The following PLPPR1 variants were observed in gnomAD, a reference collection of about 807,000 sequenced individuals.
The protein encoded by PLPPR1 is phospholipid phosphatase-related protein type 1.
PLPPR1 carries 10 observed loss-of-function variants against 33.1 expected under a neutral mutation model. The observed-to-expected ratio is 0.30, with a 90% CI of 0.19 to 0.51. The LOEUF is 0.51. Ranked by LOEUF, PLPPR1 falls within the 20% of genes least tolerant of loss-of-function variation. The pLI, the probability that PLPPR1 is intolerant of heterozygous loss-of-function variation, is 0.97. For missense variants in PLPPR1, 304 were observed against 408.1 expected (o/e 0.74, Z 2.20); for synonymous variants, 151 against 151.0 (o/e 1.00, Z 0.00).
chr9:101,252,577 C>A (rs1363397154), intron 2 of PLPPR1, among the ~76,000 whole-genome samples: 3 of 152,118 alleles, frequency 2.0e-5, no homozygotes, highest in Non-Finnish European at 1.5e-5. Flanking sequence ...ATGAGAACAT[C>A]TGAGTCTCTT....
At chr9:101,108,660 A>G (rs1017683186) in intron 1 of PLPPR1, among the ~76,000 whole-genome samples, 7 of 152,184 alleles carry the variant, frequency 4.6e-5, no homozygotes, top group Admixed American at 4.6e-4. Flanking sequence ...ATAGCATTGT[A>G]ATTCAGTTCC....
intron 2 of PLPPR1, among the ~76,000 whole-genome samples, chr9:101,241,698 G>T (rs562324813): frequency 4.3e-4 from 66 of 152,166 alleles, no homozygotes; most frequent in Non-Finnish European, 7.2e-4. Flanking sequence ...TGAGGTAGAC[G>T]ACCCTGAAGG....
intron 1 of PLPPR1, among the ~76,000 whole-genome samples, chr9:101,114,376 A>C (rs1329822928): frequency 6.6e-6 from 1 of 152,180 alleles, no homozygotes; most frequent in Non-Finnish European, 1.5e-5. Context: ...GACAGATAGC[A>C]CACTTGTATT....
intron 2 of PLPPR1, among the ~76,000 whole-genome samples, chr9:101,219,737 G>T (rs1826887737): frequency 6.6e-6 from 1 of 152,146 alleles, no homozygotes; most frequent in African/African-American, 2.4e-5. Flanking sequence ...TTATCCTCTT[G>T]TTGCTATCCT....
chr9:101,142,867 C>G (rs1831471217), intron 1 of PLPPR1, among the ~76,000 whole-genome samples: 1 of 152,076 alleles, frequency 6.6e-6, no homozygotes, highest in Admixed American at 6.6e-5. Flanking sequence ...GTGATAAGTA[C>G]TATGACAAGT....
In PLPPR1 at chr9:101,262,098, A is replaced by G. The variant is rs370222614; in HGVS notation, c.64-7782A>G. 1.5e-4 allele frequency among the ~76,000 whole-genome samples: 23 copies of G among 152,348 alleles called. No individual in the cohort carries two copies. In the East Asian group the frequency reaches 4.2e-3, roughly 28 times the overall value. Reference sequence around the variant, plus strand: ...TAGAAACTAAACTGAGAAAAACTATACCAAGGAAGGAGTCTTGAAAGATAC... The same window carrying G: ...TAGAAACTAAACTGAGAAAAACTATGCCAAGGAAGGAGTCTTGAAAGATAC... On this transcript the variant is annotated intron_variant, in intron 2 of 7. Coordinates refer to ENST00000374874, the MANE Select transcript of PLPPR1 (RefSeq NM_207299.2).
chr9:101,129,322 A>T (rs1831286734), intron 1 of PLPPR1, among the ~76,000 whole-genome samples: 1 of 152,056 alleles, frequency 6.6e-6, no homozygotes, highest in South Asian at 2.1e-4. Flanking sequence ...AAAAAAAAAA[A>T]TGTTACCCAT....
chr9:101,262,946 T>C (rs969310771), intron 2 of PLPPR1, among the ~76,000 whole-genome samples: 2 of 151,214 alleles, frequency 1.3e-5, no homozygotes, highest in African/African-American at 4.9e-5. Context: ...TAAGTGGGAG[T>C]TGAAAAATGA....
chr9:101,240,774 A>G (rs528415925), intron 2 of PLPPR1, among the ~76,000 whole-genome samples: 1 of 152,204 alleles, frequency 6.6e-6, no homozygotes, highest in African/African-American at 2.4e-5. Context: ...AAATCAGCCA[A>G]TGTCTTACAA....
intron 2 of PLPPR1, among the ~76,000 whole-genome samples, chr9:101,243,515 C>T: frequency 6.6e-6 from 1 of 151,932 alleles, no homozygotes; most frequent in East Asian, 1.9e-4. Flanking sequence ...AAGGAGGACT[C>T]ATGGATGACT....
At chr9:101,320,579 C>T (rs917967327) in intron 7 of PLPPR1, among the ~76,000 whole-genome samples, 5 of 152,124 alleles carry the variant, frequency 3.3e-5, no homozygotes, top group African/African-American at 1.2e-4. Flanking sequence ...CAGAATGAAG[C>T]CACAGAAAGC....
intron 2 of PLPPR1, among the ~76,000 whole-genome samples, chr9:101,200,752 C>T (rs1775831002): frequency 6.6e-6 from 1 of 152,098 alleles, no homozygotes. Flanking sequence ...TGCAACTTTT[C>T]CTTGAGAACA....
intron 1 of PLPPR1, among the ~76,000 whole-genome samples, chr9:101,095,690 G>A (rs1830808178): frequency 6.6e-6 from 1 of 152,122 alleles, no homozygotes; most frequent in Non-Finnish European, 1.5e-5. Flanking sequence ...CAAGGTCACA[G>A]AGTAAGTGGT....
chr9:101,254,985 C>T (rs1170214393), intron 2 of PLPPR1, among the ~76,000 whole-genome samples: 3 of 152,152 alleles, frequency 2.0e-5, no homozygotes, highest in East Asian at 3.9e-4. Flanking sequence ...AACTTAAAAT[C>T]TCTTGGCTGT....
rs146904945 is a variant in PLPPR1, at chr9:101,034,251, G to T, written c.-46+5149G>T. 2.4e-4 allele frequency among the ~76,000 whole-genome samples: 37 copies of T among 152,102 alleles called. No homozygotes were observed. In the East Asian group the frequency reaches 7.0e-3, roughly 29 times the overall value. On this transcript the variant is annotated intron_variant, in intron 1 of 7. Coordinates refer to ENST00000374874, the MANE Select transcript of PLPPR1 (RefSeq NM_207299.2). The stretch of plus-strand genomic sequence containing the variant: ...AGGAGAGGAGAGAGAGAGGAGAAAG[G>T]ATGCCTTTCTCCAAGAGCATGCAAA...
chr9:101,252,508 T>G (rs76452969), intron 2 of PLPPR1, among the ~76,000 whole-genome samples: 152 of 152,252 alleles, frequency 1.0e-3, no homozygotes, highest in African/African-American at 3.5e-3. Context: ...AGTGGCAACC[T>G]ATTGAGTAAT....
At chr9:101,200,747 C>A (rs994968643) in intron 2 of PLPPR1, among the ~76,000 whole-genome samples, 1 of 152,130 alleles carries the variant, frequency 6.6e-6, no homozygotes, top group Non-Finnish European at 1.5e-5. Flanking sequence ...AACCCTGCAA[C>A]TTTTCCTTGA....
chr9:101,171,367 T>A (rs1473057101), intron 1 of PLPPR1, among the ~76,000 whole-genome samples: 1 of 152,172 alleles, frequency 6.6e-6, no homozygotes, highest in Non-Finnish European at 1.5e-5. Flanking sequence ...CCAGGTATCC[T>A]CACAGTGTTC....
chr9:101,158,235 G>A (rs76874158), intron 1 of PLPPR1, among the ~76,000 whole-genome samples: 2,723 of 152,146 alleles, frequency 0.018, 86 homozygotes, highest in African/African-American at 0.063. Flanking sequence ...CAACCTCAAA[G>A]CACTATTTAG....
Sources: gnomAD v4.1 joint callset for allele counts (sites outside exome capture counted in the v4.1 genomes callset) on GRCh38, gnomAD v4.1.1 for gene constraint, MANE v1.5 for transcripts, NCBI Gene and HGNC (gene_info 2026-07-23, HGNC 2026-07-21) for gene names.